The following NPAS2 variants were observed in gnomAD, a reference collection of about 807,000 sequenced individuals.
NPAS2 encodes neuronal PAS domain protein 2, also known as neuronal PAS domain-containing protein 2.
Under a neutral mutation model 107.5 loss-of-function variants are expected in NPAS2, and 23 were observed. The observed-to-expected ratio is 0.21, with a 90% CI of 0.15 to 0.30. NPAS2 has a LOEUF of 0.30. Ranked by LOEUF, NPAS2 falls within the 10% of genes least tolerant of loss-of-function variation. NPAS2 has a pLI of 1.00. For synonymous variants in NPAS2, 403 were observed against 417.5 expected, an observed-to-expected ratio of 0.97 and a Z score of 0.42; for missense variants, 756 against 1,043.3, an observed-to-expected ratio of 0.72 and a Z score of 3.79.
chr2:100,904,711 ATTTT>A lies in NPAS2; in HGVS notation c.-22-8_-22-5del, dbSNP rs57350721. 1,527 of 1,263,268 alleles carry A rather than the reference ATTTT, an allele frequency of 1.2e-3. No homozygotes were observed. The highest frequency in any genetic ancestry group is 1.8e-3 in the South Asian group (133 of 73,106). The allele number at this position is 1,263,268 out of a possible 1,614,324, so 78.3% of individuals were successfully genotyped here. ...AGACAGTAATTATCCATTCTTTTTA[ATTTT>A]TTTTTTTTTTTTTGCAGGAAAAACT... On this transcript the variant is annotated intron_variant, in intron 1 of 20. Transcript: ENST00000335681.
chr2:100,912,106 A>T (rs1682587232), intron 2 of NPAS2, among the ~76,000 whole-genome samples: 1 of 152,174 alleles, frequency 6.6e-6, no homozygotes, highest in Admixed American at 6.5e-5. Context: ...TTTCAGTTCT[A>T]CCAGAAATGT....
At chr2:100,831,339 A>G (rs2104364987) in intron 1 of NPAS2, among the ~76,000 whole-genome samples, 1 of 152,318 alleles carries the variant, frequency 6.6e-6, no homozygotes, top group South Asian at 2.1e-4. Context: ...TGTGTTTGCC[A>G]CGTCAGCACT....
chr2:100,873,293 TATATATATATATATACACAC>T (rs1265838336), intron 1 of NPAS2, among the ~76,000 whole-genome samples: 2,429 of 45,644 alleles, frequency 0.053, 43 homozygotes, highest in African/African-American at 0.087. Flanking sequence ...TATATATATA[TATATATATATATATACACAC>T]ACACACACAC....
chr2:100,887,611 G>A (rs1486878834), intron 1 of NPAS2, among the ~76,000 whole-genome samples: 1 of 152,184 alleles, frequency 6.6e-6, no homozygotes, highest in Non-Finnish European at 1.5e-5. Context: ...ATGAATTCAT[G>A]TGTCTTTAAT....
At chr2:100,952,929 C>G (rs1281333804) in intron 7 of NPAS2, among the ~76,000 whole-genome samples, 1 of 149,858 alleles carries the variant, frequency 6.7e-6, no homozygotes, top group African/African-American at 2.5e-5. Flanking sequence ...AGAAAGAGTG[C>G]GGAGTGTCTT....
chr2:100,992,930 CT>C (rs796643219), intron 19 of NPAS2, among the ~76,000 whole-genome samples: 232 of 143,390 alleles, frequency 1.6e-3, no homozygotes, highest in Middle Eastern at 3.6e-3. Flanking sequence ...ACAAAAGTTT[CT>C]TTTTTTTTTT....
At chr2:100,903,287 C>G (rs80078472) in intron 1 of NPAS2, among the ~76,000 whole-genome samples, 1,641 of 152,324 alleles carry the variant, frequency 0.011, 25 homozygotes, top group African/African-American at 0.038. Context: ...TGAACAGATT[C>G]CATCTGGAAA....
chr2:100,910,545 CAG>C (rs941440242), intron 2 of NPAS2, among the ~76,000 whole-genome samples: 7 of 140,480 alleles, frequency 5.0e-5, no homozygotes, highest in African/African-American at 1.8e-4. Flanking sequence ...TTTTTTAAGA[CAG>C]AGACTCTGTC....
chr2:100,930,128 T>C (rs1224713447), intron 3 of NPAS2, among the ~76,000 whole-genome samples: 2 of 152,188 alleles, frequency 1.3e-5, no homozygotes, highest in Non-Finnish European at 2.9e-5. Flanking sequence ...ATCTAGATGT[T>C]CTAGTGGGTC....
intron 1 of NPAS2, among the ~76,000 whole-genome samples, chr2:100,873,267 A>C (rs1486699511): frequency 9.0e-6 from 1 of 111,338 alleles, no homozygotes; most frequent in South Asian, 2.9e-4. Flanking sequence ...AAAAAAAAAA[A>C]AAAAATACAT....
chr2:100,995,497 C>G lies in NPAS2; in HGVS notation c.2390C>G (p.Pro797Arg), dbSNP rs781349278. ...QPGTLGYPQP[P>R]PAQPQPLRPP... ...GGGACCCTGGGCTACCCCCAACCAC[C>G]CCCAGCACAGCCCCAGCCCCTACGT... Residue 797 changes from proline to arginine, a missense_variant, in exon 21 of 21, where the codon CCC becomes CGC. Pro to Arg is a moderately radical substitution (Grantham distance 103, BLOSUM62 -2). This residue lies in a region of NPAS2 where 496 missense variants were observed against 594.4 expected (regional missense o/e 0.83). Coordinates refer to ENST00000335681, the MANE Select transcript of NPAS2 (RefSeq NM_002518.4). The G allele has an allele frequency of 6.2e-7, 1 of 1,614,044 alleles. No individual in the cohort carries two copies. The highest frequency in any genetic ancestry group is 1.3e-5 in the African/African-American group (1 of 75,048).
chr2:100,975,496 G>T lies in NPAS2; in HGVS notation c.1321G>T (p.Ala441Ser). The change falls in exon 14 of 21, where the codon GCT becomes TCT. Residue 441 changes from alanine to serine, a missense_variant. By Grantham distance (99) the Ala-to-Ser change is moderately conservative. Coordinates refer to ENST00000335681, the MANE Select transcript of NPAS2 (RefSeq NM_002518.4). ...GCTGATGGCAGAGGCCAGCACCCCG[G>T]CTTTGCCAAGATCAGCCACCCTGCC... The part of the protein sequence containing the change: ...TKLMAEASTP[A>S]LPRSATLPQE... 6.2e-7 allele frequency: 1 copy of T among 1,613,508 alleles called. No individual in the cohort carries two copies. Among genetic ancestry groups the T allele is most frequent in the Non-Finnish European group, 8.5e-7 (1 of 1,179,728 alleles).
rs1431669922 is a variant in NPAS2 at position 100,852,843 on chromosome 2, TC to T, written c.-23+32431del. On this transcript the variant is annotated intron_variant, in intron 1 of 20. Transcript: ENST00000335681. ...CCAGACTCGGTAGGTTAGCACTAGT[TC>T]CTGCAGGGGCGTTCAGTGCTTTCTT... 5.9e-5 allele frequency among the ~76,000 whole-genome samples: 9 copies of T among 152,206 alleles called. No homozygotes were observed. In the East Asian group the frequency reaches 1.7e-3, roughly 29 times the overall value.
At chr2:100,867,606 A>G (rs1173121265) in intron 1 of NPAS2, among the ~76,000 whole-genome samples, 2 of 152,306 alleles carry the variant, frequency 1.3e-5, no homozygotes, top group East Asian at 1.9e-4. Flanking sequence ...CTTGAGAACA[A>G]TGTTTGCTAG....
intron 5 of NPAS2, among the ~76,000 whole-genome samples, chr2:100,938,596 T>TTCCCCCTTTCCTC (rs1684504085): frequency 1.4e-5 from 1 of 73,904 alleles, no homozygotes; most frequent in African/African-American, 4.8e-5. Context: ...CCTCCCTCCC[T>TTCCCCCTTTCCTC]CCTCTCTGCA....
At chr2:100,887,738 G>A (rs969848206) in intron 1 of NPAS2, among the ~76,000 whole-genome samples, 11 of 151,296 alleles carry the variant, frequency 7.3e-5, no homozygotes, top group African/African-American at 2.4e-4. Flanking sequence ...TCTTACCCGG[G>A]TCCCCTGTCT....
rs749773234 is a variant in NPAS2 at position 100,982,236 on chromosome 2, G to T, written c.1488G>T (p.Ser496=). ...TTTTCGGCTCCACCTTGAAGTTTTCGGCACAGTTCAGCATGTTCCAGACCA... is the reference window on the plus strand; with the variant it reads ...TTTTCGGCTCCACCTTGAAGTTTTCTGCACAGTTCAGCATGTTCCAGACCA... The part of the protein sequence containing the change: ...QSTPAPMAQF[S]AQFSMFQTIK... Residue 496 remains serine, a synonymous_variant, in exon 16 of 21, where the codon TCG becomes TCT. Coordinates refer to ENST00000335681, the MANE Select transcript of NPAS2 (RefSeq NM_002518.4). 6.2e-7 allele frequency: 1 copy of T among 1,613,992 alleles called. No homozygotes were observed. Among genetic ancestry groups the T allele is most frequent in the Non-Finnish European group, 8.5e-7 (1 of 1,179,988 alleles).
At chr2:100,871,710 C>G (rs751579213) in intron 1 of NPAS2, among the ~76,000 whole-genome samples, 1 of 152,118 alleles carries the variant, frequency 6.6e-6, no homozygotes, top group African/African-American at 2.4e-5. Context: ...ACACTTGTCA[C>G]CTCTTCAGCT....
chr2:100,974,909 A>G lies in NPAS2; in HGVS notation c.1247A>G (p.His416Arg). 6.2e-7 allele frequency: 1 copy of G among 1,613,964 alleles called. No homozygotes were observed. Among genetic ancestry groups the G allele is most frequent in the Non-Finnish European group, 8.5e-7 (1 of 1,179,936 alleles). The stretch of plus-strand genomic sequence containing the variant: ...CCATCGGCGTCCTCAAGAAGTTCCC[A>G]CAAATCCTCGCACACAGCCATGTCA... ...HSPSASSRSS[H>R]KSSHTAMSEP... is the part of the protein sequence containing the mutation. The change falls in exon 13 of 21, where the codon CAC becomes CGC. Residue 416 changes from histidine (H) to arginine (R), a missense_variant. By Grantham distance (29) the His-to-Arg change is conservative. Transcript: ENST00000335681.
Sources: gnomAD v4.1 joint callset for allele counts (sites outside exome capture counted in the v4.1 genomes callset) on GRCh38, gnomAD v4.1.1 for gene constraint, gnomAD v4.1.1 regional missense constraint, MANE v1.5 for transcripts, NCBI Gene and HGNC (gene_info 2026-07-23, HGNC 2026-07-21) for gene names.